The following ABCA1 variants were observed in gnomAD, a reference collection of about 807,000 sequenced individuals.
The protein encoded by ABCA1 is phospholipid-transporting ATPase ABCA1.
In ABCA1, 133 loss-of-function variants were observed where a neutral mutation model predicts 262.5. That is an observed-to-expected ratio of 0.51 (90% CI 0.44 to 0.59). ABCA1 has a LOEUF of 0.59. Among genes scored for constraint, ABCA1 ranks in the 20% least tolerant of loss-of-function variants. The probability of loss-of-function intolerance (pLI) is 0.00; values close to 1 mark genes in which losing one functional copy is unlikely to be tolerated. For synonymous variants in ABCA1, 1,022 were observed against 1,043.5 expected, an observed-to-expected ratio of 0.98 and a Z score of 0.40; for missense variants, 2,452 against 2,777.5, an observed-to-expected ratio of 0.88 and a Z score of 2.63.
intron 29 of ABCA1, 121 bp from the exon 30 acceptor site, chr9:104,809,685 A>G (rs1831097724): frequency 1.1e-6 from 1 of 928,600 alleles, no homozygotes; most frequent in African/African-American, 1.7e-5. Flanking sequence ...CTCTTAAAAC[A>G]GAAATGAACA....
chr9:104,867,621 T>C (rs966827093), intron 5 of ABCA1, among the ~76,000 whole-genome samples: 1 of 152,238 alleles, frequency 6.6e-6, no homozygotes, highest in Non-Finnish European at 1.5e-5. Flanking sequence ...TTTCTGCTGA[T>C]ACTATCTATA....
At chr9:104,862,643 CCG>C (rs1491393897) in intron 5 of ABCA1, among the ~76,000 whole-genome samples, 1 of 3,488 alleles carries the variant, frequency 2.9e-4, no homozygotes, top group Admixed American at 1.9e-3. Context: ...CCGGGCCGGG[CCG>C]GGCCGGGCCG....
At chr9:104,826,038 A>C in intron 16 of ABCA1, 151 bp from the exon 17 acceptor site, 1 of 770,438 alleles carries the variant, frequency 1.3e-6, no homozygotes, top group South Asian at 1.6e-5. Flanking sequence ...GAGTCCCTTT[A>C]GGGGAGTGGT....
rs1477371084 is a variant in ABCA1 at position 104,809,194 on chromosome 9, G to A, written c.4274+272C>T. Among the ~76,000 whole-genome samples the A allele has an allele frequency of 2.0e-5, 3 of 152,376 alleles. No individual in the cohort carries two copies. The East Asian group carries it at 5.8e-4, about 29-fold the overall frequency. On this transcript the variant is annotated intron_variant, in intron 30 of 49. Coordinates refer to ENST00000374736, the MANE Select transcript of ABCA1 (RefSeq NM_005502.4). The stretch of plus-strand genomic sequence containing the variant: ...AAAGCATTTCATCAGTAAGTGTAAA[G>A]TGCTATTTAAATTAAATATTAAGGT...
intron 28 of ABCA1, among the ~76,000 whole-genome samples, chr9:104,811,220 T>C (rs960136536): frequency 1.3e-5 from 2 of 152,214 alleles, no homozygotes; most frequent in Non-Finnish European, 2.9e-5. Flanking sequence ...TCAGGGTGAC[T>C]CAGAACACTG....
Position 104,918,194 on chromosome 9 carries a change from AC to A in ABCA1, c.-93+9740del, listed in dbSNP as rs578014288. On this transcript the variant is annotated intron_variant, in intron 1 of 49. Coordinates refer to ENST00000374736, the MANE Select transcript of ABCA1 (RefSeq NM_005502.4). ...AATATGAGCAGAAGATCAAGTGTGA[AC>A]CAAGGCAAATACATGAGATGGACAT... 4.6e-5 allele frequency among the ~76,000 whole-genome samples: 7 copies of A among 152,274 alleles called. No individual in the cohort carries two copies. In the South Asian group the frequency reaches 1.5e-3, roughly 32 times the overall value.
intron 7 of ABCA1, chr9:104,855,334 T>A (rs111641622): frequency 5.3e-6 from 1 of 189,752 alleles, no homozygotes; most frequent in Non-Finnish European, 9.7e-6. Flanking sequence ...GTAGCTGGGA[T>A]TACAGGTGTG....
At chr9:104,908,012 A>G (rs1841275372) in intron 1 of ABCA1, among the ~76,000 whole-genome samples, 3 of 152,244 alleles carry the variant, frequency 2.0e-5, no homozygotes, top group African/African-American at 7.2e-5. Context: ...GAAGTTATTA[A>G]TATCTACAGA....
At chr9:104,850,608 T>A (rs60326642) in intron 7 of ABCA1, among the ~76,000 whole-genome samples, 2,611 of 152,244 alleles carry the variant, frequency 0.017, 66 homozygotes, top group African/African-American at 0.059. Flanking sequence ...TTGAATAAAA[T>A]TAACCCCAGG....
At chr9:104,842,578 A>C (rs995037791) in intron 8 of ABCA1, among the ~76,000 whole-genome samples, 3 of 151,962 alleles carry the variant, frequency 2.0e-5, no homozygotes, top group African/African-American at 7.3e-5. Flanking sequence ...CTCAGCTCAC[A>C]CTCCAAACTT....
Position 104,787,911 on chromosome 9 carries a change from T to C in ABCA1, c.6204+9A>G. On this transcript the variant is annotated intron_variant, in intron 46 of 49. Coordinates refer to ENST00000374736, the MANE Select transcript of ABCA1 (RefSeq NM_005502.4). ...AGAACAACAGTTTTCCATCCACAGT[T>C]ATACTCACCAGAAACACCACAGGAG... is the stretch of plus-strand genomic sequence containing the variant. 1 of 1,613,976 alleles carries C rather than the reference T, an allele frequency of 6.2e-7. No homozygotes were observed.
At position 104,817,197 on chromosome 9, in the gene ABCA1, A is replaced by C; in HGVS notation, c.3535+135T>G. 6.4e-7 allele frequency: 1 copy of C among 1,568,150 alleles called. No homozygotes were observed. The highest frequency in any genetic ancestry group is 8.6e-7 in the Non-Finnish European group (1 of 1,161,344). On this transcript the variant is annotated intron_variant, in intron 24 of 49. Transcript: ENST00000374736. This position sits in a 1 kb window ranked among gnomAD's most constrained non-coding sequence, Gnocchi z 4.7. ...GCCACCAAGCTGCTCCCACACCCGC[A>C]GCCACCCAGCCCCAGCCCAGCAGCA... is the stretch of plus-strand genomic sequence containing the variant.
chr9:104,828,244 C>G (rs1017821836), intron 15 of ABCA1, among the ~76,000 whole-genome samples: 1 of 152,176 alleles, frequency 6.6e-6, no homozygotes, highest in Admixed American at 6.5e-5. Context: ...CTTCCCAGGG[C>G]AGCCCACATC....
chr9:104,860,392 G>C (rs1836260491), intron 6 of ABCA1, among the ~76,000 whole-genome samples: 1 of 152,106 alleles, frequency 6.6e-6, no homozygotes, highest in South Asian at 2.1e-4. Flanking sequence ...CACACAATTG[G>C]TAAACACAAG....
intron 44 of ABCA1, among the ~76,000 whole-genome samples, chr9:104,790,063 T>G (rs915891773): frequency 1.6e-4 from 24 of 149,744 alleles, no homozygotes; most frequent in Non-Finnish European, 2.5e-4. Context: ...GCCATTGCTC[T>G]CCAGCCTGGG....
intron 5 of ABCA1, among the ~76,000 whole-genome samples, chr9:104,869,916 G>A (rs1377586095): frequency 2.1e-5 from 2 of 94,434 alleles, no homozygotes; most frequent in Non-Finnish European, 4.5e-5. Context: ...ATACGTGTGG[G>A]TTAAGTTATC....
At chr9:104,843,898 G>T (rs1395681600) in intron 8 of ABCA1, among the ~76,000 whole-genome samples, 2 of 152,098 alleles carry the variant, frequency 1.3e-5, no homozygotes, top group African/African-American at 4.8e-5. Context: ...GTCCTTGCTT[G>T]TCCTGGACCA....
chr9:104,855,700 T>C (rs1441475227), intron 7 of ABCA1: 4 of 1,532,206 alleles, frequency 2.6e-6, no homozygotes, highest in Non-Finnish European at 2.6e-6. Context: ...AACTGAGGCT[T>C]ACAGGGACTA....
chr9:104,791,919 A>G lies in ABCA1; in HGVS notation c.5820+17T>C, dbSNP rs1218087095. On this transcript the variant is annotated intron_variant, in intron 43 of 49. Coordinates refer to ENST00000374736, the MANE Select transcript of ABCA1 (RefSeq NM_005502.4). ...GAACTAATAGGGACAAACGCAATAT[A>G]GACAAAGTGTCTTTACCTCACCAGG... is the stretch of plus-strand genomic sequence containing the variant. The G allele has an allele frequency of 6.2e-7, 1 of 1,612,376 alleles. No homozygotes were observed. The highest frequency in any genetic ancestry group is 1.1e-5 in the South Asian group (1 of 90,936).
Sources: allele counts gnomAD v4.1 joint callset (sites outside exome capture counted in the v4.1 genomes callset), GRCh38; gene constraint gnomAD v4.1.1; non-coding constraint Gnocchi (gnomAD v3.1); transcripts MANE v1.5; gene names NCBI Gene and HGNC (gene_info 2026-07-23, HGNC 2026-07-21).